The following BTBD8 variants were observed in gnomAD, a reference collection of about 807,000 sequenced individuals.
BTBD8 encodes BTB/POZ domain-containing protein 8.
In BTBD8, 110 loss-of-function variants were observed where a neutral mutation model predicts 162.9. That is an observed-to-expected ratio of 0.68 (90% confidence interval 0.58 to 0.79). The LOEUF is 0.79. Among genes scored for constraint, BTBD8 ranks in the 30% least tolerant of loss-of-function variants. BTBD8 has a pLI of 0.00. For missense variants in BTBD8, 1,905 were observed against 2,085.4 expected (o/e 0.91, Z 1.68); for synonymous variants, 667 against 716.1 (o/e 0.93, Z 1.10).
At chr1:92,130,996 G>A (rs1028478511) in intron 5 of BTBD8, among the ~76,000 whole-genome samples, 6 of 152,212 alleles carry the variant, frequency 3.9e-5, no homozygotes, top group Admixed American at 1.3e-4. Context: ...GAGCTACTGC[G>A]CTTGGCCTAC....
In BTBD8 at chr1:92,088,819, A is replaced by G. The variant is rs1284005810; in HGVS notation, c.271A>G (p.Thr91Ala). The change falls in exon 2 of 18, where the codon ACA becomes GCA. Residue 91 changes from threonine (T) to alanine (A), a missense_variant. Coordinates refer to ENST00000636805, the MANE Select transcript of BTBD8 (RefSeq NM_001376131.1). ...PDFYFHTIGQ[T>A]SNSLTNQEPI... ...CTTCTATTTTCATACTATTGGACAG[A>G]CATCAAATAGTTTAACAAATCAGGA... 1 of 1,613,114 alleles carries G rather than the reference A, an allele frequency of 6.2e-7. No individual in the cohort carries two copies. Among genetic ancestry groups the G allele is most frequent in the East Asian group, 2.2e-5 (1 of 44,768 alleles).
At chr1:92,142,374 A>T (rs567904855) in intron 7 of BTBD8, among the ~76,000 whole-genome samples, 1 of 152,336 alleles carries the variant, frequency 6.6e-6, no homozygotes, top group East Asian at 1.9e-4. Flanking sequence ...CATCCCCTAG[A>T]TGAACATTAA....
chr1:92,117,485 T>C (rs1258462392), intron 4 of BTBD8, among the ~76,000 whole-genome samples: 2 of 151,920 alleles, frequency 1.3e-5, no homozygotes, highest in Non-Finnish European at 2.9e-5. Context: ...TACTGAGGCT[T>C]CTGGGATCTT....
At chr1:92,134,082 T>A (rs188977713) in intron 5 of BTBD8, among the ~76,000 whole-genome samples, 1 of 152,040 alleles carries the variant, frequency 6.6e-6, no homozygotes, top group Non-Finnish European at 1.5e-5. Flanking sequence ...AAAGGGAAAA[T>A]TTTCCACATA....
At chr1:92,134,895 A>T (rs1014148940) in intron 5 of BTBD8, among the ~76,000 whole-genome samples, 3,202 of 144,432 alleles carry the variant, frequency 0.022, 128 homozygotes, top group African/African-American at 0.077. Flanking sequence ...TAATTAATTA[A>T]TTTTTTTTTT....
chr1:92,181,963 A>G lies in BTBD8; in HGVS notation c.4280A>G (p.Glu1427Gly). 4 of 1,551,658 alleles carry G rather than the reference A, an allele frequency of 2.6e-6. No individual in the cohort carries two copies. Among genetic ancestry groups the G allele is most frequent in the Non-Finnish European group, 3.5e-6 (4 of 1,146,924 alleles). The change falls in exon 17 of 18, where the codon GAA (glutamate) becomes GGA (glycine). Residue 1427 changes from glutamate (E) to glycine (G), a missense_variant. By Grantham distance (98) the Glu-to-Gly change is moderately conservative (BLOSUM62 -2). Around this residue, in one of 3 missense-constraint regions of BTBD8, gnomAD observed 517 missense variants for 606.6 expected, o/e 0.85. Transcript: ENST00000636805. ...GATGCAACTGAAAATGAATGTCGTG[A>G]ATTTTCTGCAACTAAAAAGTTTAAA... is the stretch of plus-strand genomic sequence containing the variant. ...FEDATENECR[E>G]FSATKKFKRS...
At position 92,107,874 on chromosome 1, in the gene BTBD8, T is replaced by G. The variant is rs1290012764; in HGVS notation, c.545-10T>G. ...AAACTATTTTTTAGTCTTGTTTTTC[T>G]TTTTTAAAGATAATTATGACTTGGA... is the stretch of plus-strand genomic sequence containing the variant. On this transcript the variant is annotated splice_polypyrimidine_tract_variant and intron_variant, in intron 3 of 17. Transcript: ENST00000636805. 3 of 1,594,718 alleles carry G rather than the reference T, an allele frequency of 1.9e-6. No individual in the cohort carries two copies. The highest frequency in any genetic ancestry group is 2.6e-6 in the Non-Finnish European group (3 of 1,172,544).
At chr1:92,122,189 T>C (rs1018745326) in intron 4 of BTBD8, among the ~76,000 whole-genome samples, 6 of 152,200 alleles carry the variant, frequency 3.9e-5, no homozygotes, top group African/African-American at 1.2e-4. Flanking sequence ...ATTGTATAGC[T>C]ATACCACAAT....
At chr1:92,093,140 T>G (rs1245417689) in intron 2 of BTBD8, among the ~76,000 whole-genome samples, 2 of 152,088 alleles carry the variant, frequency 1.3e-5, no homozygotes, top group African/African-American at 4.8e-5. Flanking sequence ...ATCACTATCA[T>G]TTTTCAGTAC....
At chr1:92,178,180 C>A in intron 15 of BTBD8, 132 bp from the exon 16 acceptor site, 1 of 710,364 alleles carries the variant, frequency 1.4e-6, no homozygotes, top group Non-Finnish European at 2.3e-6. Context: ...GACTTATGAG[C>A]ATATGATTTT....
chr1:92,130,709 T>A (rs975588124), intron 5 of BTBD8, among the ~76,000 whole-genome samples: 1 of 152,180 alleles, frequency 6.6e-6, no homozygotes, highest in Non-Finnish European at 1.5e-5. Context: ...TTTTTTTGTT[T>A]GTTTTTTGAG....
At chr1:92,139,304 T>C in intron 5 of BTBD8, 46 bp from the exon 6 acceptor site, 3 of 1,521,040 alleles carry the variant, frequency 2.0e-6, no homozygotes, top group Non-Finnish European at 2.6e-6. Context: ...ATCATTGATA[T>C]CAGTTAAACC....
At chr1:92,132,803 A>C (rs1649543243) in intron 5 of BTBD8, among the ~76,000 whole-genome samples, 1 of 152,152 alleles carries the variant, frequency 6.6e-6, no homozygotes, top group African/African-American at 2.4e-5. Context: ...TTGACTCCTA[A>C]TGTTAATGCA....
At chr1:92,122,535 G>T (rs1227964635) in intron 4 of BTBD8, among the ~76,000 whole-genome samples, 1 of 151,298 alleles carries the variant, frequency 6.6e-6, no homozygotes, top group African/African-American at 2.4e-5. Flanking sequence ...GGGATTACAG[G>T]CGTGAGCCAC....
chr1:92,102,717 T>C, intron 3 of BTBD8, 48 bp downstream of exon 3: 1 of 1,346,360 alleles, frequency 7.4e-7, no homozygotes, highest in Non-Finnish European at 9.7e-7. Context: ...AAAATAATTA[T>C]ATTCTGATAC....
chr1:92,158,638 C>A (rs900970112), intron 9 of BTBD8, among the ~76,000 whole-genome samples: 1 of 152,104 alleles, frequency 6.6e-6, no homozygotes, highest in South Asian at 2.1e-4. Flanking sequence ...GTGATTAATT[C>A]AGTTGTAACA....
intron 2 of BTBD8, among the ~76,000 whole-genome samples, chr1:92,101,497 C>A (rs753199360): frequency 6.6e-6 from 1 of 152,208 alleles, no homozygotes; most frequent in Non-Finnish European, 1.5e-5. Flanking sequence ...CTCACTGCCC[C>A]ACCAGGACCC....
chr1:92,129,935 G>T (rs1649469470), intron 5 of BTBD8, among the ~76,000 whole-genome samples, 159 bp downstream of exon 5: 1 of 152,212 alleles, frequency 6.6e-6, no homozygotes. Context: ...GTAATAGAGA[G>T]CATTTATTAA....
At position 92,167,265 on chromosome 1, in the gene BTBD8, A is replaced by T. The variant is rs1650408087; in HGVS notation, c.1305+125A>T. On this transcript the variant is annotated intron_variant, in intron 10 of 17. Transcript: ENST00000636805. ...ATGTGATTTAAATAAACTCCATAGCAGATGGCATGTTTACATAGGATTTAA... is the reference window on the plus strand; with the variant it reads ...ATGTGATTTAAATAAACTCCATAGCTGATGGCATGTTTACATAGGATTTAA... 5.0e-6 allele frequency: 6 copies of T among 1,206,598 alleles called. No individual in the cohort carries two copies. The East Asian group carries it at 1.5e-4, about 31-fold the overall frequency. The allele number at this position is 1,206,598 out of a possible 1,614,324, so 74.7% of individuals were successfully genotyped here. A position where few individuals can be genotyped will look rare whatever the true frequency, so the allele number is the denominator to read the frequency against.
Sources: gnomAD v4.1 joint callset for allele counts (sites outside exome capture counted in the v4.1 genomes callset) on GRCh38, gnomAD v4.1.1 for gene constraint, gnomAD v4.1.1 regional missense constraint, MANE v1.5 for transcripts, NCBI Gene and HGNC (gene_info 2026-07-23, HGNC 2026-07-21) for gene names.